NEMP2: variants seen among roughly 807,000 people sequenced by gnomAD.
NEMP2 encodes nuclear envelope integral membrane protein 2, also known as UPF0571 transmembrane protein.
In NEMP2, 53 loss-of-function variants were observed where a neutral mutation model predicts 54.2. The observed-to-expected ratio is 0.98, with a 90% CI of 0.78 to 1.23. The LOEUF (loss-of-function observed/expected upper bound fraction) is 1.23, where lower values mean the gene tolerates loss of function less well. Ranked by LOEUF, NEMP2 falls within the 50% of genes most tolerant of loss-of-function variation. The pLI is 0.00. For synonymous variants in NEMP2, 197 were observed against 190.3 expected (o/e 1.04, Z -0.29); for missense variants, 455 against 511.3 (o/e 0.89, Z 1.06).
At chr2:190,540,165 T>C in the NEMP2 span, among the ~76,000 whole-genome samples, 2 of 152,336 alleles carry the variant, frequency 1.3e-5, no homozygotes, top group East Asian at 3.9e-4. Context: ...CCAGCATGTA[T>C]TGGAACGATC....
upstream of NEMP2, among the ~76,000 whole-genome samples, chr2:190,537,671 A>G (rs563169166): frequency 2.5e-4 from 38 of 152,192 alleles, no homozygotes; most frequent in Admixed American, 4.6e-4. Flanking sequence ...CAAAGCATTT[A>G]AGAGGAAGCA....
chr2:190,624,499 C>CT, the NEMP2 span: 1 of 152,158 alleles, frequency 6.6e-6, no homozygotes, highest in South Asian at 2.1e-4. Flanking sequence ...ATATGGAAGA[C>CT]GTATCCACAT....
chr2:190,608,171 C>T, the NEMP2 span: 3 of 152,200 alleles, frequency 2.0e-5, no homozygotes, highest in African/African-American at 7.2e-5. This position sits in a 1 kb window ranked among gnomAD's most constrained non-coding sequence, Gnocchi z 4.9. Flanking sequence ...ACTTTGTAGC[C>T]ATCTTGGCTA....
the NEMP2 span, among the ~76,000 whole-genome samples, chr2:190,540,547 T>C: frequency 6.6e-6 from 1 of 152,156 alleles, no homozygotes; most frequent in Non-Finnish European, 1.5e-5. Flanking sequence ...TGCCTTGGCC[T>C]CCCAACTTGC....
At chr2:190,495,507 C>A in the NEMP2 span, among the ~76,000 whole-genome samples, 12 of 152,194 alleles carry the variant, frequency 7.9e-5, no homozygotes, top group Admixed American at 2.0e-4. The surrounding 1 kb of genome is among the most constrained non-coding windows in gnomAD (Gnocchi z 4.7). Flanking sequence ...TCCTAAATTT[C>A]ATATGGAGCC....
At chr2:190,547,159 G>A in the NEMP2 span, among the ~76,000 whole-genome samples, 5 of 152,122 alleles carry the variant, frequency 3.3e-5, no homozygotes, top group Non-Finnish European at 7.3e-5. This position sits in a 1 kb window ranked among gnomAD's most constrained non-coding sequence, Gnocchi z 6.2. Context: ...TGCTAAAAGC[G>A]GTGGAGCGAG....
At chr2:190,481,384 T>G in the NEMP2 span, among the ~76,000 whole-genome samples, 1 of 152,258 alleles carries the variant, frequency 6.6e-6, no homozygotes, top group Non-Finnish European at 1.5e-5. Context: ...ATATATGGGA[T>G]TTGGAAGTTT....
At chr2:190,534,068 C>T (rs1691264140) in intron 1 of NEMP2, 1 of 949,970 alleles carries the variant, frequency 1.1e-6, no homozygotes, top group Admixed American at 6.3e-5. Context: ...CAGTCAGGGG[C>T]AGAAGAATTT....
chr2:190,550,643 C>T, the NEMP2 span, among the ~76,000 whole-genome samples: 3 of 152,184 alleles, frequency 2.0e-5, no homozygotes, highest in Non-Finnish European at 2.9e-5. This position sits in a 1 kb window ranked among gnomAD's most constrained non-coding sequence, Gnocchi z 4.7. Context: ...CATCTCCCTT[C>T]TCTATTTTTT....
chr2:190,500,189 C>T (rs775742698), downstream of NEMP2: 1 of 1,614,198 alleles, frequency 6.2e-7, no homozygotes, highest in Non-Finnish European at 8.5e-7. This position sits in a 1 kb window ranked among gnomAD's most constrained non-coding sequence, Gnocchi z 5.3. Flanking sequence ...TGAAGAGCAG[C>T]AGGCTCAGCT....
chr2:190,573,206 TC>T, the NEMP2 span, among the ~76,000 whole-genome samples: 1 of 151,990 alleles, frequency 6.6e-6, no homozygotes, highest in Non-Finnish European at 1.5e-5. Context: ...GTACTTACTC[TC>T]CCTATGCCTC....
At chr2:190,614,649 A>G in the NEMP2 span, among the ~76,000 whole-genome samples, 1 of 152,250 alleles carries the variant, frequency 6.6e-6, no homozygotes, top group Non-Finnish European at 1.5e-5. This position sits in a 1 kb window ranked among gnomAD's most constrained non-coding sequence, Gnocchi z 5.7. Context: ...ATGAAAGGGA[A>G]TAAGACAGAT....
rs570938026 is a variant in NEMP2, at chr2:190,508,555, T to C, written c.*634A>G. On this transcript the variant is annotated 3_prime_UTR_variant, in exon 9 of 9. Coordinates refer to ENST00000409150, the MANE Select transcript of NEMP2 (RefSeq NM_001142645.2). The surrounding 1 kb of genome is among the most constrained non-coding windows in gnomAD (Gnocchi z 4.3). ...ATTAATCTCATGAAAAAGAGTTCTG[T>C]GGTCAAATTAAGCAAGAAACTGCAG... The C allele has an allele frequency of 6.6e-6, 1 of 152,408 alleles. No homozygotes were observed. The highest frequency in any genetic ancestry group is 1.5e-5 in the Non-Finnish European group (1 of 68,068). 9.4% of individuals were successfully genotyped at this position (152,408 alleles called of 1,614,324 possible).
At chr2:190,592,778 T>C in the NEMP2 span, among the ~76,000 whole-genome samples, 4 of 152,156 alleles carry the variant, frequency 2.6e-5, no homozygotes, top group Non-Finnish European at 5.9e-5. This position sits in a 1 kb window ranked among gnomAD's most constrained non-coding sequence, Gnocchi z 4.4. Context: ...CCAATACAGA[T>C]GGAGCAATAA....
the NEMP2 span, among the ~76,000 whole-genome samples, chr2:190,572,833 G>GTATATATATATA: frequency 1.1e-3 from 53 of 47,806 alleles, no homozygotes; most frequent in East Asian, 2.8e-3. Flanking sequence ...CTTTTCATGA[G>GTATATATATATA]TATATATATA....
chr2:190,627,046 T>A, the NEMP2 span, among the ~76,000 whole-genome samples: 2,531 of 152,360 alleles, frequency 0.017, 84 homozygotes, highest in African/African-American at 0.057. This position sits in a 1 kb window ranked among gnomAD's most constrained non-coding sequence, Gnocchi z 4.4. Flanking sequence ...CACTTGTTTT[T>A]TGTCACACTG....
the NEMP2 span, chr2:190,610,623 G>A: frequency 2.0e-5 from 3 of 152,158 alleles, no homozygotes; most frequent in African/African-American, 4.8e-5. This position sits in a 1 kb window ranked among gnomAD's most constrained non-coding sequence, Gnocchi z 5.4. Context: ...GTCCTCTTAC[G>A]AAAGAAAACA....
the NEMP2 span, among the ~76,000 whole-genome samples, chr2:190,471,869 C>CAGA: frequency 6.6e-6 from 1 of 152,184 alleles, no homozygotes; most frequent in East Asian, 1.9e-4. The surrounding 1 kb of genome is among the most constrained non-coding windows in gnomAD (Gnocchi z 4.7). Context: ...ACTCATACGG[C>CAGA]CGGGTACCCC....
chr2:190,508,729 G>C lies in NEMP2; in HGVS notation c.*460C>G, dbSNP rs550467173. The stretch of plus-strand genomic sequence containing the variant: ...TGACCAACACTTGGTAGTAGCCTGT[G>C]AGCTGTACTTTGGAAAACACTGGTC... On this transcript the variant is annotated 3_prime_UTR_variant, in exon 9 of 9. Coordinates refer to ENST00000409150, the MANE Select transcript of NEMP2 (RefSeq NM_001142645.2). This position sits in a 1 kb window ranked among gnomAD's most constrained non-coding sequence, Gnocchi z 4.3. 6.3e-6 allele frequency: 1 copy of C among 159,178 alleles called. No homozygotes were observed. The highest frequency in any genetic ancestry group is 1.4e-5 in the Non-Finnish European group (1 of 72,334). 9.9% of individuals were successfully genotyped at this position (159,178 alleles called of 1,614,324 possible).
Sources: allele counts gnomAD v4.1 joint callset (sites outside exome capture counted in the v4.1 genomes callset), GRCh38; gene constraint gnomAD v4.1.1; non-coding constraint Gnocchi (gnomAD v3.1); transcripts MANE v1.5; gene names NCBI Gene and HGNC (gene_info 2026-07-23, HGNC 2026-07-21).